The following FOXK1 variants were observed in gnomAD, a reference collection of about 807,000 sequenced individuals.
FOXK1 encodes forkhead box K1, also known as forkhead box protein K1.
In FOXK1, 19 loss-of-function variants were observed where a neutral mutation model predicts 51.9. That is an observed-to-expected ratio of 0.37 (90% CI 0.26 to 0.54). The LOEUF (loss-of-function observed/expected upper bound fraction) is 0.54. Ranked by LOEUF, FOXK1 falls within the 20% of genes least tolerant of loss-of-function variation. FOXK1 has a pLI of 0.87. For synonymous variants in FOXK1, 537 were observed against 482.6 expected (o/e 1.11, Z -1.48); for missense variants, 870 against 1,032.7 (o/e 0.84, Z 2.16).
At chr7:4,732,220 G>A (rs1288554221) in intron 1 of FOXK1, among the ~76,000 whole-genome samples, 2 of 152,200 alleles carry the variant, frequency 1.3e-5, no homozygotes, top group Non-Finnish European at 2.9e-5. Context: ...CATTTGTTCA[G>A]TCCACAAGAA....
chr7:4,755,194 G>C lies in FOXK1; in HGVS notation c.904-43G>C. The stretch of plus-strand genomic sequence containing the variant: ...TGACGGGTGGGTGGGGTAGACTCAG[G>C]GACCTTGCTGGAGCTCATCCCGTGA... On this transcript the variant is annotated intron_variant, in intron 3 of 8. Coordinates refer to ENST00000328914, the MANE Select transcript of FOXK1 (RefSeq NM_001037165.2). This position sits in a 1 kb window ranked among gnomAD's most constrained non-coding sequence, Gnocchi z 6.6. The C allele has an allele frequency of 6.2e-7, 1 of 1,604,880 alleles. No homozygotes were observed. Among genetic ancestry groups the C allele is most frequent in the African/African-American group, 1.3e-5 (1 of 74,914 alleles).
chr7:4,708,308 A>G (rs574922255), intron 1 of FOXK1, among the ~76,000 whole-genome samples: 222 of 152,270 alleles, frequency 1.5e-3, no homozygotes, highest in Non-Finnish European at 2.8e-3. Context: ...TAGTTGCCGC[A>G]GTGACCCCAG....
At position 4,711,979 on chromosome 7, in the gene FOXK1, G is replaced by A. The variant is rs952832281; in HGVS notation, c.561-28859G>A. Among the ~76,000 whole-genome samples, 28 of 152,258 alleles carry A rather than the reference G, an allele frequency of 1.8e-4. No individual in the cohort carries two copies. Among genetic ancestry groups the A allele is most frequent in the South Asian group, 4.1e-4 (2 of 4,830 alleles). ...GGTGCCGCCGAGCAGGAGGGAGGAC[G>A]CGGCAGGTCACAGAGCCCACCAAGT... On this transcript the variant is annotated intron_variant, in intron 1 of 8. Coordinates refer to ENST00000328914, the MANE Select transcript of FOXK1 (RefSeq NM_001037165.2). This position sits in a 1 kb window ranked among gnomAD's most constrained non-coding sequence, Gnocchi z 6.3.
rs1446865853 is a variant in FOXK1, at chr7:4,735,497, C to G, written c.561-5341C>G. ...TAGAAAGAACCCCCTAGCTCTTAGT[C>G]ATTCTCCGTCCCCCCTGCCTGTCCC... On this transcript the variant is annotated intron_variant, in intron 1 of 8. Transcript: ENST00000328914. This position sits in a 1 kb window ranked among gnomAD's most constrained non-coding sequence, Gnocchi z 4.7. Among the ~76,000 whole-genome samples the G allele has an allele frequency of 1.3e-5, 2 of 152,182 alleles. No individual in the cohort carries two copies. The highest frequency in any genetic ancestry group is 2.9e-5 in the Non-Finnish European group (2 of 68,038).
chr7:4,729,803 A>T lies in FOXK1; in HGVS notation c.561-11035A>T, dbSNP rs963352815. ...TCAGGAGTTTGAGACCAGCCTGGCC[A>T]ACATGGTGAAACCCCATCTCTACTA... is the stretch of plus-strand genomic sequence containing the variant. On this transcript the variant is annotated intron_variant, in intron 1 of 8. Coordinates refer to ENST00000328914, the MANE Select transcript of FOXK1 (RefSeq NM_001037165.2). This position sits in a 1 kb window ranked among gnomAD's most constrained non-coding sequence, Gnocchi z 6.2. Among the ~76,000 whole-genome samples the T allele has an allele frequency of 7.2e-5, 11 of 152,194 alleles. No homozygotes were observed. The highest frequency in any genetic ancestry group is 2.7e-4 in the African/African-American group (11 of 41,458).
At chr7:4,696,563 G>A (rs939690882) in intron 1 of FOXK1, among the ~76,000 whole-genome samples, 4 of 152,184 alleles carry the variant, frequency 2.6e-5, no homozygotes, top group Non-Finnish European at 5.9e-5. Context: ...TGTGAATACC[G>A]GGTATCTCCG....
At position 4,735,151 on chromosome 7, in the gene FOXK1, C is replaced by T. The variant is rs950499121; in HGVS notation, c.561-5687C>T. 1.3e-5 allele frequency among the ~76,000 whole-genome samples: 2 copies of T among 152,104 alleles called. No homozygotes were observed. The highest frequency in any genetic ancestry group is 6.6e-5 in the Admixed American group (1 of 15,262). On this transcript the variant is annotated intron_variant, in intron 1 of 8. Transcript: ENST00000328914. This position sits in a 1 kb window ranked among gnomAD's most constrained non-coding sequence, Gnocchi z 4.7. The stretch of plus-strand genomic sequence containing the variant: ...TCACTCGGGCTCAGCACTGGTGGAG[C>T]GGTGGCCAGTTCCAGCTCGCTGTGT...
chr7:4,707,337 A>C lies in FOXK1; in HGVS notation c.560+24469A>C, dbSNP rs1443268342. Among the ~76,000 whole-genome samples the C allele has an allele frequency of 2.0e-5, 3 of 152,214 alleles. No individual in the cohort carries two copies. The highest frequency in any genetic ancestry group is 7.2e-5 in the African/African-American group (3 of 41,456). On this transcript the variant is annotated intron_variant, in intron 1 of 8. Coordinates refer to ENST00000328914, the MANE Select transcript of FOXK1 (RefSeq NM_001037165.2). The surrounding 1 kb of genome is among the most constrained non-coding windows in gnomAD (Gnocchi z 4.1). ...TCTTGTGATGAATGGGCCATCCGGG[A>C]TAAACAGATGGGACGGAGAGTGCAA...
intron 1 of FOXK1, among the ~76,000 whole-genome samples, chr7:4,686,152 G>A (rs2115026594): frequency 6.6e-6 from 1 of 152,252 alleles, no homozygotes; most frequent in South Asian, 2.1e-4. Context: ...CACTGCTACT[G>A]GAAATTGTGA....
In FOXK1 at chr7:4,745,565, A is replaced by C. The variant is rs547428439; in HGVS notation, c.746+4542A>C. 8.5e-5 allele frequency among the ~76,000 whole-genome samples: 13 copies of C among 152,236 alleles called. 1 individual carries two copies. The South Asian group carries it at 2.7e-3, about 32-fold the overall frequency. On this transcript the variant is annotated intron_variant, in intron 2 of 8. Coordinates refer to ENST00000328914, the MANE Select transcript of FOXK1 (RefSeq NM_001037165.2). This position sits in a 1 kb window ranked among gnomAD's most constrained non-coding sequence, Gnocchi z 4.3. The stretch of plus-strand genomic sequence containing the variant: ...AACTCTCTTTGAAATAAATTCTGCT[A>C]TCTTTAGCAGAAGTTTGACCTTTTC...
At chr7:4,737,135 C>T (rs770082595) in intron 1 of FOXK1, among the ~76,000 whole-genome samples, 3 of 152,082 alleles carry the variant, frequency 2.0e-5, no homozygotes, top group African/African-American at 4.8e-5. Flanking sequence ...TCTCCAGGAT[C>T]CCCTTCTTCT....
rs2115070347 is a variant in FOXK1 at position 4,753,921 on chromosome 7, C to T, written c.747-538C>T. 6.6e-6 allele frequency among the ~76,000 whole-genome samples: 1 copy of T among 152,322 alleles called. No individual in the cohort carries two copies. The highest frequency in any genetic ancestry group is 2.1e-4 in the South Asian group (1 of 4,822). ...CAGGGCAAAACTGCAGGGGTCATCT[C>T]TTCCCGAGGGCGGTGTCTCCAGGAG... On this transcript the variant is annotated intron_variant, in intron 2 of 8. Transcript: ENST00000328914. The surrounding 1 kb of genome is among the most constrained non-coding windows in gnomAD (Gnocchi z 4.9).
chr7:4,712,164 C>T (rs1244901697), intron 1 of FOXK1, among the ~76,000 whole-genome samples: 8 of 151,934 alleles, frequency 5.3e-5, no homozygotes, highest in African/African-American at 1.7e-4. Flanking sequence ...ATCCAAGCAT[C>T]GTTTCCCTTC....
intron 1 of FOXK1, among the ~76,000 whole-genome samples, chr7:4,690,441 T>A (rs1343688272): frequency 6.6e-6 from 1 of 152,264 alleles, no homozygotes; most frequent in Non-Finnish European, 1.5e-5. Context: ...GTCAACTGGT[T>A]AAAGTTACTT....
rs1780477653 is a variant in FOXK1, at chr7:4,731,664, G to T, written c.561-9174G>T. Among the ~76,000 whole-genome samples, 1 of 151,594 alleles carries T rather than the reference G, an allele frequency of 6.6e-6. No individual in the cohort carries two copies. The highest frequency in any genetic ancestry group is 2.1e-4 in the South Asian group (1 of 4,814). On this transcript the variant is annotated intron_variant, in intron 1 of 8. Transcript: ENST00000328914. This position sits in a 1 kb window ranked among gnomAD's most constrained non-coding sequence, Gnocchi z 5.3. ...AATCCCAGCTACTCGGGAGGCTGAG[G>T]CAGGAGAATCGCTTGGACCTGGAGG...
At chr7:4,720,787 T>C (rs974581081) in intron 1 of FOXK1, among the ~76,000 whole-genome samples, 4 of 151,796 alleles carry the variant, frequency 2.6e-5, no homozygotes, top group Non-Finnish European at 4.4e-5. Context: ...GGCGCGATCT[T>C]GGCTCACTGC....
rs763040355 is a variant in FOXK1, at chr7:4,683,644, C to G, written c.560+776C>G. Among the ~76,000 whole-genome samples, 6 of 152,072 alleles carry G rather than the reference C, an allele frequency of 3.9e-5. No individual in the cohort carries two copies. The highest frequency in any genetic ancestry group is 5.9e-5 in the Non-Finnish European group (4 of 68,008). ...CTGACCTGGTTCTCAGGACCACCCC[C>G]GACCCCCACCAGCCAGGGCCTCAAG... On this transcript the variant is annotated intron_variant, in intron 1 of 8. Transcript: ENST00000328914. This position sits in a 1 kb window ranked among gnomAD's most constrained non-coding sequence, Gnocchi z 4.5.
rs534983715 is a variant in FOXK1 at position 4,730,469 on chromosome 7, G to A, written c.561-10369G>A. Reference sequence around the variant, plus strand: ...TCTGGTTCCTGGAGGAGGGACGCAGGCCCAGTGGAGAGGGCGTGGTTTGCA... The same window carrying A: ...TCTGGTTCCTGGAGGAGGGACGCAGACCCAGTGGAGAGGGCGTGGTTTGCA... On this transcript the variant is annotated intron_variant, in intron 1 of 8. Coordinates refer to ENST00000328914, the MANE Select transcript of FOXK1 (RefSeq NM_001037165.2). The surrounding 1 kb of genome is among the most constrained non-coding windows in gnomAD (Gnocchi z 4.7). Among the ~76,000 whole-genome samples, 3 of 152,340 alleles carry A rather than the reference G, an allele frequency of 2.0e-5. No homozygotes were observed. The highest frequency in any genetic ancestry group is 7.2e-5 in the African/African-American group (3 of 41,586).
At chr7:4,686,613 C>A (rs1343572288) in intron 1 of FOXK1, among the ~76,000 whole-genome samples, 7 of 152,126 alleles carry the variant, frequency 4.6e-5, no homozygotes, top group Non-Finnish European at 1.5e-5. Context: ...GATAGCGTTT[C>A]TTCTAGACCA....
Sources: gnomAD v4.1 joint callset for allele counts (sites outside exome capture counted in the v4.1 genomes callset) on GRCh38, gnomAD v4.1.1 for gene constraint, Gnocchi (gnomAD v3.1) non-coding constraint, MANE v1.5 for transcripts, NCBI Gene and HGNC (gene_info 2026-07-23, HGNC 2026-07-21) for gene names.